Variants in ACSBG1 observed in about 807,000 individuals in gnomAD.
ACSBG1 encodes long-chain-fatty-acid--CoA ligase ACSBG1.
Under a neutral mutation model 80.2 loss-of-function variants are expected in ACSBG1, and 39 were observed. The ratio of observed to expected loss-of-function variants is 0.49; its 90% confidence interval spans 0.38 to 0.64. The LOEUF is 0.64. Among genes scored for constraint, ACSBG1 ranks in the 30% least tolerant of loss-of-function variants. The probability of loss-of-function intolerance (pLI) is 0.00; values close to 1 mark genes in which losing one functional copy is unlikely to be tolerated. For synonymous variants in ACSBG1, 392 were observed against 379.5 expected, an observed-to-expected ratio of 1.03 and a Z score of -0.38; for missense variants, 828 against 966.4, an observed-to-expected ratio of 0.86 and a Z score of 1.90.
intron 5 of ACSBG1, among the ~76,000 whole-genome samples, chr15:78,192,497 C>A (rs1371021193): frequency 6.6e-6 from 1 of 152,202 alleles, no homozygotes; most frequent in African/African-American, 2.4e-5. Flanking sequence ...CACAGCCTCA[C>A]CTGAGGCTAT....
intron 1 of ACSBG1, among the ~76,000 whole-genome samples, chr15:78,224,599 T>C (rs771654472): frequency 2.0e-5 from 3 of 151,986 alleles, no homozygotes; most frequent in East Asian, 3.9e-4. Context: ...CAGATACCTG[T>C]AGTCTCAGCT....
At chr15:78,195,540 A>G (rs1006670311) in intron 2 of ACSBG1, among the ~76,000 whole-genome samples, 2 of 150,996 alleles carry the variant, frequency 1.3e-5, no homozygotes, top group African/African-American at 5.0e-5. Context: ...AGACTTGGAC[A>G]AGCCACTGAA....
chr15:78,185,055 GAGAGAGA>G lies in ACSBG1; in HGVS notation c.664-2277_664-2271del, dbSNP rs1567083056. Among the ~76,000 whole-genome samples, 5 of 8,598 alleles carry G rather than the reference GAGAGAGA, an allele frequency of 5.8e-4. No individual in the cohort carries two copies. The East Asian group carries it at 0.029, about 50-fold the overall frequency. The allele number at this position is 8,598 out of a possible 152,430, so 5.6% of individuals were successfully genotyped here. A position where few individuals can be genotyped will look rare whatever the true frequency, so the allele number is the denominator to read the frequency against. ...GAGAGAAAGGGGCGGAGGGGAGGGA[GAGAGAGA>G]GAGAGAGAGAGAGAGAGAGGAATAC... On this transcript the variant is annotated intron_variant, in intron 5 of 13. Transcript: ENST00000258873.
intron 12 of ACSBG1, among the ~76,000 whole-genome samples, chr15:78,174,143 A>G (rs1323317470): frequency 6.6e-6 from 1 of 152,226 alleles, no homozygotes; most frequent in African/African-American, 2.4e-5. Context: ...GGAGGGCAGC[A>G]GCACTTTGTA....
chr15:78,221,885 T>C (rs1261592775), intron 1 of ACSBG1, among the ~76,000 whole-genome samples: 2 of 152,236 alleles, frequency 1.3e-5, no homozygotes, highest in Admixed American at 1.3e-4. Context: ...ATAAAGCACA[T>C]GTTTCTGTGA....
intron 1 of ACSBG1, among the ~76,000 whole-genome samples, chr15:78,225,439 AAATTAAAAAAT>A (rs2075392781): frequency 6.8e-6 from 1 of 147,008 alleles, no homozygotes; most frequent in African/African-American, 2.7e-5. Context: ...AAATAAAAAT[AAATTAAAAAAT>A]AAAATAAATT....
chr15:78,209,406 C>T (rs957589993), intron 1 of ACSBG1, among the ~76,000 whole-genome samples: 3 of 152,122 alleles, frequency 2.0e-5, no homozygotes, highest in East Asian at 1.9e-4. Flanking sequence ...ATTGCTATGG[C>T]GACCCACTCC....
intron 2 of ACSBG1, among the ~76,000 whole-genome samples, chr15:78,202,920 G>C (rs7165474): frequency 0.13 from 19,028 of 152,220 alleles, 1,533 homozygotes; most frequent in Non-Finnish European, 0.18. Context: ...TCCAACAGGG[G>C]ACTGGTCTCT....
intron 5 of ACSBG1, among the ~76,000 whole-genome samples, chr15:78,188,187 A>T (rs2075023506): frequency 6.6e-6 from 1 of 152,182 alleles, no homozygotes; most frequent in African/African-American, 2.4e-5. Context: ...GATACAAACA[A>T]ATGGAAGAAC....
Position 78,188,312 on chromosome 15 carries a change from T to C in ACSBG1, c.663+5194A>G, listed in dbSNP as rs572382435. ...CTACCAATGACTTTCTTCACAGAAT[T>C]GGAAAAAACTACTTTAAAGTTCATA... On this transcript the variant is annotated intron_variant, in intron 5 of 13. Transcript: ENST00000258873. 4.6e-5 allele frequency among the ~76,000 whole-genome samples: 7 copies of C among 152,094 alleles called. No homozygotes were observed. In the East Asian group the frequency reaches 1.4e-3, roughly 29 times the overall value.
At chr15:78,220,776 C>T (rs1192367309) in intron 1 of ACSBG1, among the ~76,000 whole-genome samples, 1 of 152,220 alleles carries the variant, frequency 6.6e-6, no homozygotes, top group Non-Finnish European at 1.5e-5. Context: ...GATAGCACTT[C>T]ATGCCTGGTA....
At chr15:78,233,975 C>T (rs80071140) in intron 1 of ACSBG1, among the ~76,000 whole-genome samples, 25,676 of 152,276 alleles carry the variant, frequency 0.17, 2,720 homozygotes, top group Non-Finnish European at 0.24. Flanking sequence ...GCCAAGGTCA[C>T]GCAGCAAACT....
In ACSBG1 at chr15:78,179,796, G is replaced by A. The variant is rs1349160968; in HGVS notation, c.1254-16C>T. ...CTTCAGGTCGCTGGTGGGAGAGGGA[G>A]AATGGTTCACAGAAGAAATCACACA... On this transcript the variant is annotated splice_polypyrimidine_tract_variant and intron_variant, in intron 9 of 13. Coordinates refer to ENST00000258873, the MANE Select transcript of ACSBG1 (RefSeq NM_015162.5). The A allele has an allele frequency of 2.5e-6, 4 of 1,577,856 alleles. No homozygotes were observed. Among genetic ancestry groups the A allele is most frequent in the Non-Finnish European group, 2.6e-6 (3 of 1,150,374 alleles).
chr15:78,190,339 T>C (rs1567085110), intron 5 of ACSBG1, among the ~76,000 whole-genome samples: 1 of 151,892 alleles, frequency 6.6e-6, no homozygotes, highest in Non-Finnish European at 1.5e-5. Flanking sequence ...ATTTCAACAG[T>C]TGAGTATCTT....
chr15:78,186,211 T>G (rs1222319661), intron 5 of ACSBG1, among the ~76,000 whole-genome samples: 1 of 151,966 alleles, frequency 6.6e-6, no homozygotes, highest in African/African-American at 2.4e-5. Flanking sequence ...AGGCTTAGAC[T>G]CCCACACAAT....
At position 78,182,223 on chromosome 15, in the gene ACSBG1, G is replaced by A. The variant is rs1424330716; in HGVS notation, c.895-78C>T. On this transcript the variant is annotated intron_variant, in intron 7 of 13. Coordinates refer to ENST00000258873, the MANE Select transcript of ACSBG1 (RefSeq NM_015162.5). ...TGCTCACAACTGTGGCCACCCTGGGGGCCAGCCCCAGTGTGGTGCCCCCTG... is the reference window on the plus strand; with the variant it reads ...TGCTCACAACTGTGGCCACCCTGGGAGCCAGCCCCAGTGTGGTGCCCCCTG... 5.8e-6 allele frequency: 9 copies of A among 1,539,666 alleles called. No individual in the cohort carries two copies. In the East Asian group the frequency reaches 9.1e-5, roughly 16 times the overall value.
chr15:78,193,645 G>A lies in ACSBG1; in HGVS notation c.543-19C>T. 6.2e-7 allele frequency: 1 copy of A among 1,609,320 alleles called. No homozygotes were observed. Reference sequence around the variant, plus strand: ...GATGCCACTGTAGGAGACCCAGGAAGATTCACCTTAGGGGAGGTGCAGAGG... The same window carrying A: ...GATGCCACTGTAGGAGACCCAGGAAAATTCACCTTAGGGGAGGTGCAGAGG... On this transcript the variant is annotated intron_variant, in intron 4 of 13. Transcript: ENST00000258873.
chr15:78,195,394 C>A (rs2075104332), intron 2 of ACSBG1, among the ~76,000 whole-genome samples: 1 of 152,122 alleles, frequency 6.6e-6, no homozygotes, highest in Non-Finnish European at 1.5e-5. Flanking sequence ...AGTGCAGGGT[C>A]AGGATTTGAA....
chr15:78,207,923 A>ACCCCCCCCCCCCCCCCCACAACCCC, intron 2 of ACSBG1, 79 bp downstream of exon 2: 1 of 284,792 alleles, frequency 3.5e-6, no homozygotes, highest in East Asian at 9.3e-5. Flanking sequence ...GTGGTCCCCC[A>ACCCCCCCCCCCCCCCCCACAACCCC]CACCACCCAC....
Sources: gnomAD v4.1 joint callset for allele counts (sites outside exome capture counted in the v4.1 genomes callset) on GRCh38, gnomAD v4.1.1 for gene constraint, MANE v1.5 for transcripts, NCBI Gene and HGNC (gene_info 2026-07-23, HGNC 2026-07-21) for gene names.